The following CLEC2A variants were observed in gnomAD, a reference collection of about 807,000 sequenced individuals.
The protein encoded by CLEC2A is keratinocyte-associated C-type lectin.
A neutral mutation model predicts 18.6 loss-of-function variants in CLEC2A; 19 were observed. The observed-to-expected ratio is 1.02, with a 90% CI of 0.71 to 1.50. The LOEUF is 1.50. CLEC2A is among the 40% of genes most tolerant of loss of function. The pLI is 0.00. For missense variants in CLEC2A, 190 were observed against 207.9 expected, an observed-to-expected ratio of 0.91 and a Z score of 0.53; for synonymous variants, 74 against 64.0, an observed-to-expected ratio of 1.16 and a Z score of -0.75.
chr12:9,887,951 G>A, the CLEC2A span, among the ~76,000 whole-genome samples: 1 of 150,372 alleles, frequency 6.7e-6, no homozygotes, highest in Non-Finnish European at 1.5e-5. Context: ...AACTACTTGG[G>A]AAGCTGAGGC....
chr12:9,932,229 T>C, intron 1 of CLEC2A, 46 bp downstream of exon 1: 1 of 1,382,592 alleles, frequency 7.2e-7, no homozygotes, highest in Non-Finnish European at 1.0e-6. Flanking sequence ...CTGTATTTTG[T>C]TTTATCTTTC....
downstream of CLEC2A, among the ~76,000 whole-genome samples, chr12:9,895,416 A>G (rs961091006): frequency 2.0e-5 from 3 of 152,188 alleles, no homozygotes; most frequent in African/African-American, 2.4e-5. Flanking sequence ...CTGGAAATAG[A>G]ATACTCAGGT....
chr12:9,890,614 A>G, the CLEC2A span, among the ~76,000 whole-genome samples: 1 of 152,222 alleles, frequency 6.6e-6, no homozygotes, highest in African/African-American at 2.4e-5. Context: ...TCTTCAGGAA[A>G]GGCCTCAACC....
chr12:9,888,264 G>A, the CLEC2A span, among the ~76,000 whole-genome samples: 2 of 151,826 alleles, frequency 1.3e-5, no homozygotes, highest in Non-Finnish European at 2.9e-5. Context: ...GCCGAGGCGG[G>A]CGGATCACGA....
intron 4 of CLEC2A, chr12:9,899,056 G>C (rs1315819442): frequency 3.0e-6 from 2 of 664,658 alleles, no homozygotes; most frequent in African/African-American, 3.5e-5. Flanking sequence ...AGTAAGAATG[G>C]CTCGAAAATT....
At chr12:9,923,001 ACTCTGT>A (rs1346465040) in intron 2 of CLEC2A, among the ~76,000 whole-genome samples, 2 of 152,006 alleles carry the variant, frequency 1.3e-5, no homozygotes, top group African/African-American at 2.4e-5. Context: ...ATGTGTTTCA[ACTCTGT>A]CTCTGTGCTC....
At chr12:9,888,394 G>A in the CLEC2A span, among the ~76,000 whole-genome samples, 1 of 152,038 alleles carries the variant, frequency 6.6e-6, no homozygotes, top group Non-Finnish European at 1.5e-5. Flanking sequence ...GGAGGCTGAG[G>A]TAGGAGAATG....
At chr12:9,920,280 T>C (rs1863146931) in intron 3 of CLEC2A, among the ~76,000 whole-genome samples, 1 of 152,162 alleles carries the variant, frequency 6.6e-6, no homozygotes, top group Admixed American at 6.5e-5. Context: ...CTACTTTTGC[T>C]GGGAAGCCTG....
the CLEC2A span, among the ~76,000 whole-genome samples, chr12:9,888,447 G>A: frequency 2.6e-5 from 4 of 151,540 alleles, no homozygotes; most frequent in Admixed American, 1.3e-4. Context: ...CCGAGATTGC[G>A]CCACTGCACT....
At chr12:9,894,126 T>TTCTCTCTCTCTCTCTCTCTC (rs141327204), downstream of CLEC2A, among the ~76,000 whole-genome samples, 35 of 130,286 alleles carry the variant, frequency 2.7e-4, no homozygotes, top group African/African-American at 8.6e-4. Context: ...TTTCTTTTCT[T>TTCTCTCTCTCTCTCTCTCTC]TCTCTCTCTC....
At chr12:9,916,887 C>A (rs1863081226) in intron 3 of CLEC2A, 84 bp from the exon 4 acceptor site, 2 of 788,280 alleles carry the variant, frequency 2.5e-6, no homozygotes, top group Non-Finnish European at 2.1e-6. Context: ...ATTATTCTAT[C>A]TTTTAGGATT....
intron 1 of CLEC2A, among the ~76,000 whole-genome samples, chr12:9,927,238 A>G (rs1863289764): frequency 6.6e-6 from 1 of 152,252 alleles, no homozygotes; most frequent in East Asian, 1.9e-4. Flanking sequence ...ATGTTATCGT[A>G]CTAATTACTG....
chr12:9,904,208 G>A (rs929765844), intron 4 of CLEC2A, among the ~76,000 whole-genome samples: 7 of 152,164 alleles, frequency 4.6e-5, no homozygotes, highest in African/African-American at 1.4e-4. Flanking sequence ...GGACCTCGGG[G>A]ACTGACCCAC....
downstream of CLEC2A, chr12:9,913,149 TTATTACTC>T (rs1393166063): frequency 9.5e-6 from 2 of 210,244 alleles, no homozygotes; most frequent in African/African-American, 4.7e-5. Flanking sequence ...ACTTTGATAT[TTATTACTC>T]TAGTCTATAT....
chr12:9,929,720 G>A (rs1274979336), intron 1 of CLEC2A, among the ~76,000 whole-genome samples: 1 of 151,780 alleles, frequency 6.6e-6, no homozygotes, highest in Non-Finnish European at 1.5e-5. Flanking sequence ...TTTTTGTCTT[G>A]TTCTGACTTT....
the CLEC2A span, among the ~76,000 whole-genome samples, chr12:9,892,279 A>G: frequency 2.4e-4 from 37 of 152,344 alleles, no homozygotes; most frequent in African/African-American, 8.9e-4. Flanking sequence ...ATGAACGAAA[A>G]GCACAGGAGA....
At chr12:9,915,583 C>T (rs749355796) in intron 4 of CLEC2A, among the ~76,000 whole-genome samples, 1 of 152,062 alleles carries the variant, frequency 6.6e-6, no homozygotes, top group Non-Finnish European at 1.5e-5. Flanking sequence ...AACTGTCATC[C>T]TCAGCAAACT....
chr12:9,931,100 C>A (rs1863368406), intron 1 of CLEC2A, among the ~76,000 whole-genome samples: 1 of 152,060 alleles, frequency 6.6e-6, no homozygotes, highest in South Asian at 2.1e-4. Flanking sequence ...TTCTCATAAT[C>A]TTCCAGTACA....
At position 9,932,337 on chromosome 12, in the gene CLEC2A, C is replaced by CGTTAG; in HGVS notation, c.-9_-8insCTAAC. 1 of 1,551,872 alleles carries CGTTAG rather than the reference C, an allele frequency of 6.4e-7. No individual in the cohort carries two copies. Among genetic ancestry groups the CGTTAG allele is most frequent in the South Asian group, 1.2e-5 (1 of 84,058 alleles). On this transcript the variant is annotated 5_prime_UTR_variant, in exon 1 of 5. Coordinates refer to ENST00000455827, the MANE Select transcript of CLEC2A (RefSeq NM_001130711.2). Reference sequence around the variant, plus strand: ...CAGCTCTGGATTAATCATGGCAAGGCGCTAACCGATGGAGATCAGTAGGAG... The same window carrying CGTTAG: ...CAGCTCTGGATTAATCATGGCAAGGCGTTAGGCTAACCGATGGAGATCAGTAGGAG...
Sources: allele counts gnomAD v4.1 joint callset (sites outside exome capture counted in the v4.1 genomes callset), GRCh38; gene constraint gnomAD v4.1.1; transcripts MANE v1.5; gene names NCBI Gene and HGNC (gene_info 2026-07-23, HGNC 2026-07-21).